The following PPP1R21 variants were observed in gnomAD, a reference collection of about 807,000 sequenced individuals.
PPP1R21 encodes protein phosphatase 1 regulatory subunit 21, also known as KLRAQ motif containing 1.
Under a neutral mutation model 112.8 loss-of-function variants are expected in PPP1R21, and 85 were observed. The observed-to-expected ratio is 0.75, with a 90% CI of 0.63 to 0.90. The LOEUF (loss-of-function observed/expected upper bound fraction) is 0.90. Among genes scored for constraint, PPP1R21 ranks in the 40% least tolerant of loss-of-function variants. The pLI, the probability that PPP1R21 is intolerant of heterozygous loss-of-function variation, is 0.00. For missense variants in PPP1R21, 1,199 were observed against 901.5 expected, an observed-to-expected ratio of 1.33 and a Z score of -4.23; for synonymous variants, 381 against 322.3, an observed-to-expected ratio of 1.18 and a Z score of -1.95.
chr2:48,499,294 C>T (rs1289270120), intron 17 of PPP1R21, among the ~76,000 whole-genome samples: 1 of 152,150 alleles, frequency 6.6e-6, no homozygotes, highest in Non-Finnish European at 1.5e-5. Flanking sequence ...GAGACTTCCT[C>T]ATGGTGAGGA....
At chr2:48,480,094 C>A in intron 13 of PPP1R21, 78 bp downstream of exon 13, 1 of 984,428 alleles carries the variant, frequency 1.0e-6, no homozygotes, top group Non-Finnish European at 1.6e-6. Context: ...TTTAAACAAA[C>A]ACTGCCAAGG....
Position 48,471,355 on chromosome 2 carries a change from A to G in PPP1R21, c.1076A>G (p.Tyr359Cys). ...YICFLRKILPYQLKSLEEECE... is the reference protein window; with the variant it reads ...YICFLRKILPCQLKSLEEECE... ...TGTTTTCTTAGGAAGATTCTTCCCT[A>G]TCAGTTAAAAAGGTAGTTACCCCCG... The change falls in exon 11 of 22, where the codon TAT becomes TGT. Residue 359 changes from tyrosine to cysteine, a missense_variant. By Grantham distance (194) the Tyr-to-Cys change is radical. Transcript: ENST00000294952. The G allele has an allele frequency of 1.2e-6, 2 of 1,608,474 alleles. No individual in the cohort carries two copies. The highest frequency in any genetic ancestry group is 1.7e-6 in the Non-Finnish European group (2 of 1,178,338).
intron 7 of PPP1R21, among the ~76,000 whole-genome samples, chr2:48,464,576 G>A (rs771727824): frequency 6.6e-6 from 1 of 152,150 alleles, no homozygotes; most frequent in Admixed American, 6.5e-5. Context: ...TTGCTGATTA[G>A]CGTGGCGGCT....
chr2:48,508,612 G>A (rs1670492188), intron 19 of PPP1R21, among the ~76,000 whole-genome samples: 1 of 152,184 alleles, frequency 6.6e-6, no homozygotes, highest in African/African-American at 2.4e-5. Context: ...CGGCAGTCCA[G>A]CAGGCATGGA....
chr2:48,514,439 G>A (rs1463704783), intron 21 of PPP1R21, among the ~76,000 whole-genome samples: 1 of 152,124 alleles, frequency 6.6e-6, no homozygotes, highest in South Asian at 2.1e-4. Flanking sequence ...TTGTAGTTTT[G>A]ATAAATCCAA....
rs147062361 is a variant in PPP1R21 at position 48,514,739 on chromosome 2, C to T, written c.2338C>T (p.Arg780Ter). Residue 780 changes from arginine (R) to a stop codon, truncating the protein, a stop_gained, in exon 22 of 22, where the codon CGA becomes TGA. Transcript: ENST00000294952. LOFTEE classifies it high-confidence loss of function. ...GGGGAATTCTAAAAAGAACAAGAGT[C>T]GATAGTTTTGAAATAGCTGGTTGGC... ...SKGNSKKNKS[R>*] is the part of the protein sequence containing the mutation. The T allele has an allele frequency of 5.6e-6, 9 of 1,611,376 alleles. No individual in the cohort carries two copies. The highest frequency in any genetic ancestry group is 1.3e-5 in the African/African-American group (1 of 74,824).
intron 16 of PPP1R21, 41 bp from the exon 17 acceptor site, chr2:48,498,452 T>A (rs1208424700): frequency 6.2e-7 from 1 of 1,605,140 alleles, no homozygotes; most frequent in Non-Finnish European, 8.5e-7. Context: ...AAGGTTTATC[T>A]GTATTAGTCT....
At chr2:48,482,677 T>C (rs1239630248) in intron 13 of PPP1R21, among the ~76,000 whole-genome samples, 1 of 151,806 alleles carries the variant, frequency 6.6e-6, no homozygotes, top group Non-Finnish European at 1.5e-5. Flanking sequence ...ATGTCTACTT[T>C]ATTCTAAAGT....
intron 4 of PPP1R21, among the ~76,000 whole-genome samples, chr2:48,458,780 A>G (rs550424531): frequency 1.6e-4 from 25 of 151,970 alleles, no homozygotes; most frequent in Non-Finnish European, 3.4e-4. Context: ...CCTGCCCCCA[A>G]ACCACTGAGC....
chr2:48,487,898 A>G (rs1428348371), intron 14 of PPP1R21, among the ~76,000 whole-genome samples: 1 of 152,180 alleles, frequency 6.6e-6, no homozygotes, highest in Non-Finnish European at 1.5e-5. Context: ...TCCTACATGT[A>G]TAAAACCAAA....
At chr2:48,461,854 C>G (rs1219833708) in intron 7 of PPP1R21, among the ~76,000 whole-genome samples, 2 of 152,120 alleles carry the variant, frequency 1.3e-5, no homozygotes, top group East Asian at 3.9e-4. Flanking sequence ...TGCACATTTC[C>G]TTTTTCTGTA....
intron 18 of PPP1R21, 45 bp downstream of exon 18, chr2:48,505,641 C>T (rs1321619127): frequency 1.4e-6 from 2 of 1,473,752 alleles, no homozygotes; most frequent in Non-Finnish European, 1.9e-6. Flanking sequence ...AAATATCTGG[C>T]AGCATGTTTG....
chr2:48,460,283 C>T, intron 6 of PPP1R21, 130 bp downstream of exon 6: 1 of 878,092 alleles, frequency 1.1e-6, no homozygotes, highest in Non-Finnish European at 1.7e-6. Flanking sequence ...TCTACAGGGT[C>T]CTTTTCAATT....
intron 13 of PPP1R21, 38 bp from the exon 14 acceptor site, chr2:48,486,593 A>G: frequency 6.7e-7 from 1 of 1,494,898 alleles, no homozygotes. Context: ...TGACTTATAT[A>G]TAGATAATAA....
chr2:48,487,541 T>G (rs755535357), intron 14 of PPP1R21, among the ~76,000 whole-genome samples: 1 of 152,112 alleles, frequency 6.6e-6, no homozygotes, highest in African/African-American at 2.4e-5. Context: ...GGCGAGAGTA[T>G]TGCTTGAGCC....
chr2:48,506,547 G>C (rs1339869326), intron 18 of PPP1R21, among the ~76,000 whole-genome samples: 1 of 152,200 alleles, frequency 6.6e-6, no homozygotes, highest in Non-Finnish European at 1.5e-5. Flanking sequence ...ACTTCTGCGT[G>C]TATTTTTAAA....
rs560368696 is a variant in PPP1R21, at chr2:48,471,451, C to A, written c.1088+84C>A. 5 of 1,333,636 alleles carry A rather than the reference C, an allele frequency of 3.7e-6. No homozygotes were observed. In the African/African-American group the frequency reaches 5.9e-5, roughly 16 times the overall value. The allele number at this position is 1,333,636 out of a possible 1,614,324, so 82.6% of individuals were successfully genotyped here. A position where few individuals can be genotyped will look rare whatever the true frequency, so the allele number is the denominator to read the frequency against. On this transcript the variant is annotated intron_variant, in intron 11 of 21. Coordinates refer to ENST00000294952, the MANE Select transcript of PPP1R21 (RefSeq NM_001135629.3). ...GGCGTTAATAAAATATTAACATGTGCCTCTTGTGATCTGCCTGACTTTTCT... is the reference window on the plus strand; with the variant it reads ...GGCGTTAATAAAATATTAACATGTGACTCTTGTGATCTGCCTGACTTTTCT...
At position 48,457,997 on chromosome 2, in the gene PPP1R21, T is replaced by C. The variant is rs751357695; in HGVS notation, c.274-129T>C. On this transcript the variant is annotated intron_variant, in intron 3 of 21. Coordinates refer to ENST00000294952, the MANE Select transcript of PPP1R21 (RefSeq NM_001135629.3). ...GTTAAATGATGAACTGTATAGCTTT[T>C]GCAGGATTGTTTGAGAATGGTGAAC... is the stretch of plus-strand genomic sequence containing the variant. The C allele has an allele frequency of 1.3e-4, 88 of 685,098 alleles. No individual in the cohort carries two copies. In the African/African-American group the frequency reaches 1.4e-3, roughly 11 times the overall value. 42.4% of individuals were successfully genotyped at this position (685,098 alleles called of 1,614,324 possible). A position where few individuals can be genotyped will look rare whatever the true frequency, so the allele number is the denominator to read the frequency against.
rs779504914 is a variant in PPP1R21, at chr2:48,495,731, T to C, written c.1652T>C (p.Leu551Pro). ...YEEALANRRI[L>P]LSSTESREGL... is the part of the protein sequence containing the mutation. The stretch of plus-strand genomic sequence containing the variant: ...GAAGCACTGGCAAACCGCCGCATCC[T>C]TCTCAGCTCTACTGAAAGTCGAGAA... The change falls in exon 16 of 22, where the codon CTT (leucine) becomes CCT (proline). Residue 551 changes from leucine (L) to proline (P), a missense_variant. Leu to Pro is a moderately conservative substitution (Grantham distance 98). Transcript: ENST00000294952. The C allele has an allele frequency of 6.2e-7, 1 of 1,612,532 alleles. No individual in the cohort carries two copies. Among genetic ancestry groups the C allele is most frequent in the Admixed American group, 1.7e-5 (1 of 60,018 alleles).
Sources: gnomAD v4.1 joint callset for allele counts (sites outside exome capture counted in the v4.1 genomes callset) on GRCh38, gnomAD v4.1.1 for gene constraint, MANE v1.5 for transcripts, NCBI Gene and HGNC (gene_info 2026-07-23, HGNC 2026-07-21) for gene names.